Variants in PXK observed in about 807,000 individuals in gnomAD.
PXK encodes PX domain containing serine/threonine kinase like.
A neutral mutation model predicts 84.7 loss-of-function variants in PXK; 35 were observed. The ratio of observed to expected loss-of-function variants is 0.41; its 90% CI spans 0.32 to 0.55. The LOEUF is 0.55. Among genes scored for constraint, PXK ranks in the 20% least tolerant of loss-of-function variants. The pLI is 0.21. For synonymous variants in PXK, 253 were observed against 260.8 expected, an observed-to-expected ratio of 0.97 and a Z score of 0.29; for missense variants, 634 against 699.7, an observed-to-expected ratio of 0.91 and a Z score of 1.06.
intron 1 of PXK, among the ~76,000 whole-genome samples, chr3:58,339,612 T>C (rs1294052350): frequency 6.6e-6 from 1 of 152,118 alleles, no homozygotes. Context: ...GACTATCCCA[T>C]GAGAAAGATT....
At chr3:58,417,527 GA>G (rs2061169428) in intron 17 of PXK, among the ~76,000 whole-genome samples, 1 of 152,104 alleles carries the variant, frequency 6.6e-6, no homozygotes, top group Non-Finnish European at 1.5e-5. Context: ...AAGCTGATGG[GA>G]GAAATATCCT....
chr3:58,361,113 G>A (rs753262204), intron 1 of PXK, among the ~76,000 whole-genome samples: 4 of 151,476 alleles, frequency 2.6e-5, no homozygotes, highest in Non-Finnish European at 5.9e-5. Context: ...CCGGGCCAAG[G>A]TGGCGAAACC....
intron 13 of PXK, 117 bp downstream of exon 13, chr3:58,404,027 C>G (rs1441888947): frequency 1.3e-5 from 7 of 544,298 alleles, no homozygotes; most frequent in African/African-American, 1.9e-5. Context: ...GGGAAATAAC[C>G]TAAATGTCCT....
chr3:58,371,612 G>T (rs531621138), intron 3 of PXK, among the ~76,000 whole-genome samples: 1 of 152,288 alleles, frequency 6.6e-6, no homozygotes, highest in East Asian at 1.9e-4. Flanking sequence ...TAGAGGGTGG[G>T]GAGGGGAGTT....
intron 3 of PXK, among the ~76,000 whole-genome samples, chr3:58,372,487 T>C (rs529936920): frequency 6.8e-4 from 103 of 152,042 alleles, no homozygotes; most frequent in South Asian, 1.9e-3. Flanking sequence ...CACGCCCGGC[T>C]AATTTTTTGT....
chr3:58,415,103 T>C (rs550712069), intron 17 of PXK, among the ~76,000 whole-genome samples: 3 of 152,294 alleles, frequency 2.0e-5, no homozygotes, highest in African/African-American at 7.2e-5. Flanking sequence ...ATTCTGTCAC[T>C]CAACACAATA....
chr3:58,425,251 C>A lies in PXK; in HGVS notation c.*291C>A. On this transcript the variant is annotated 3_prime_UTR_variant, in exon 18 of 18. Coordinates refer to ENST00000356151, the MANE Select transcript of PXK (RefSeq NM_017771.5). ...GGACAGCAGCATATTGAAATATTTT[C>A]ACCAACTAAAGGAAATAGACAGAAA... is the stretch of plus-strand genomic sequence containing the variant. The A allele has an allele frequency of 2.8e-6, 1 of 352,020 alleles. No homozygotes were observed. The highest frequency in any genetic ancestry group is 5.3e-6 in the Non-Finnish European group (1 of 188,344). The allele number at this position is 352,020 out of a possible 1,614,324, so 21.8% of individuals were successfully genotyped here. A position where few individuals can be genotyped will look rare whatever the true frequency, so the allele number is the denominator to read the frequency against.
At chr3:58,369,560 C>A in intron 3 of PXK, 82 bp downstream of exon 3, 1 of 1,102,296 alleles carries the variant, frequency 9.1e-7, no homozygotes, top group Non-Finnish European at 1.4e-6. Flanking sequence ...CACGGTGGCT[C>A]AACGCCTGTA....
At chr3:58,347,831 G>A (rs991458780) in intron 1 of PXK, among the ~76,000 whole-genome samples, 4 of 152,158 alleles carry the variant, frequency 2.6e-5, no homozygotes, top group African/African-American at 7.2e-5. Flanking sequence ...AGTTTGAATT[G>A]CATTAGTTAT....
rs886102818 is a variant in PXK, at chr3:58,383,297, GATA to G, written c.388+612_388+614del. Among the ~76,000 whole-genome samples the G allele has an allele frequency of 5.3e-5, 8 of 151,936 alleles. No homozygotes were observed. In the South Asian group the frequency reaches 1.0e-3, roughly 20 times the overall value. On this transcript the variant is annotated intron_variant, in intron 4 of 17. Transcript: ENST00000356151. The surrounding 1 kb of genome is among the most constrained non-coding windows in gnomAD (Gnocchi z 4.0). ...ACAGAGCAAGACTCTGTCTTAAAAA[GATA>G]ATAATAATAATAATTAATCCACAAT... is the stretch of plus-strand genomic sequence containing the variant.
rs751574356 is a variant in PXK at position 58,369,824 on chromosome 3, C to CAAAAA, written c.201+359_201+363dup. Among the ~76,000 whole-genome samples the CAAAAA allele has an allele frequency of 3.4e-4, 22 of 64,750 alleles. No homozygotes were observed. The East Asian group carries it at 5.1e-3, about 15-fold the overall frequency. The allele number at this position is 64,750 out of a possible 152,430, so 42.5% of individuals were successfully genotyped here. ...GGGCAATAAGAGTGAAACTCTGTCTCAAAAAAAAAAAAAAAAACAAAACTG... is the reference window on the plus strand; with the variant it reads ...GGGCAATAAGAGTGAAACTCTGTCTCAAAAAAAAAAAAAAAAAAAAAACAAAACTG... On this transcript the variant is annotated intron_variant, in intron 3 of 17. Coordinates refer to ENST00000356151, the MANE Select transcript of PXK (RefSeq NM_017771.5).
At chr3:58,382,809 C>T (rs2098516656) in intron 4 of PXK, 109 bp downstream of exon 4, 1 of 783,618 alleles carries the variant, frequency 1.3e-6, no homozygotes, top group Non-Finnish European at 1.9e-6. Context: ...GATGTGTATA[C>T]ATTTGTTATA....
intron 1 of PXK, among the ~76,000 whole-genome samples, chr3:58,358,191 T>G (rs2098123554): frequency 6.6e-6 from 1 of 152,240 alleles, no homozygotes; most frequent in South Asian, 2.1e-4. Context: ...CATTTTGATA[T>G]ATGCATTATT....
Position 58,403,886 on chromosome 3 carries a change from C to G in PXK, c.1206C>G (p.Thr402=). Residue 402 remains threonine (T), a synonymous_variant, in exon 13 of 18, where the codon ACC becomes ACG. Transcript: ENST00000356151. ...QMPLFSDVLL[T]TSEKPQFKIP... ...GATTATTCAGCGATGTTTTACTAACCACTTCTGAAAAACCACAGTTTAAGG... is the reference window on the plus strand; with the variant it reads ...GATTATTCAGCGATGTTTTACTAACGACTTCTGAAAAACCACAGTTTAAGG... 3 of 1,538,458 alleles carry G rather than the reference C, an allele frequency of 1.9e-6. No individual in the cohort carries two copies. Among genetic ancestry groups the G allele is most frequent in the Non-Finnish European group, 2.7e-6 (3 of 1,131,836 alleles).
intron 4 of PXK, among the ~76,000 whole-genome samples, chr3:58,387,509 G>A (rs1560022590): frequency 6.6e-6 from 1 of 152,196 alleles, no homozygotes; most frequent in African/African-American, 2.4e-5. Context: ...ATGTTAGGGA[G>A]CACCTTGGGG....
chr3:58,341,707 TTTTC>T (rs1291824550), intron 1 of PXK, among the ~76,000 whole-genome samples: 17 of 113,480 alleles, frequency 1.5e-4, no homozygotes, highest in Non-Finnish European at 2.7e-4. Context: ...TTTTCTTTTC[TTTTC>T]TTTTTTTTTT....
intron 17 of PXK, among the ~76,000 whole-genome samples, chr3:58,417,545 A>G (rs1374486240): frequency 6.6e-6 from 1 of 152,000 alleles, no homozygotes; most frequent in Non-Finnish European, 1.5e-5. Flanking sequence ...TCCTTTCTTT[A>G]AGTCTGCTGG....
chr3:58,417,338 C>G (rs2061133654), intron 17 of PXK, among the ~76,000 whole-genome samples: 1 of 152,234 alleles, frequency 6.6e-6, no homozygotes, highest in Non-Finnish European at 1.5e-5. Flanking sequence ...CAGTGCCTTT[C>G]TTTCCGAAAG....
chr3:58,401,056 T>C lies in PXK; in HGVS notation c.1181+1679T>C, dbSNP rs1221295265. On this transcript the variant is annotated intron_variant, in intron 12 of 17. Coordinates refer to ENST00000356151, the MANE Select transcript of PXK (RefSeq NM_017771.5). The surrounding 1 kb of genome is among the most constrained non-coding windows in gnomAD (Gnocchi z 4.4). ...GATTTACTTGAGTTTGCATTTACACTCCCCATTCCAAAGCTCTTACATCTT... is the reference window on the plus strand; with the variant it reads ...GATTTACTTGAGTTTGCATTTACACCCCCCATTCCAAAGCTCTTACATCTT... Among the ~76,000 whole-genome samples the C allele has an allele frequency of 2.0e-5, 3 of 152,228 alleles. No individual in the cohort carries two copies. The highest frequency in any genetic ancestry group is 1.3e-4 in the Admixed American group (2 of 15,278).
Sources: allele counts gnomAD v4.1 joint callset (sites outside exome capture counted in the v4.1 genomes callset), GRCh38; gene constraint gnomAD v4.1.1; non-coding constraint Gnocchi (gnomAD v3.1); transcripts MANE v1.5; gene names NCBI Gene and HGNC (gene_info 2026-07-23, HGNC 2026-07-21).